The following HTR1F variants were observed in gnomAD, a reference collection of about 807,000 sequenced individuals.
HTR1F encodes the protein 5-hydroxytryptamine receptor 1F.
HTR1F carries 17 observed loss-of-function variants against 24.0 expected under a neutral mutation model. The ratio of observed to expected loss-of-function variants is 0.71; its 90% CI spans 0.48 to 1.06. The LOEUF is 1.06. Among genes scored for constraint, HTR1F ranks in the 50% least tolerant of loss-of-function variants. The pLI is 0.00. For synonymous variants in HTR1F, 186 were observed against 156.8 expected, an observed-to-expected ratio of 1.19 and a Z score of -1.39; for missense variants, 391 against 427.8, an observed-to-expected ratio of 0.91 and a Z score of 0.76.
intron 2 of HTR1F, among the ~76,000 whole-genome samples, chr3:87,961,832 G>A (rs1705068276): frequency 6.6e-6 from 1 of 150,788 alleles, no homozygotes; most frequent in Non-Finnish European, 1.5e-5. Flanking sequence ...AAGGTTTACA[G>A]AAATTCTACC....
chr3:87,959,758 C>G (rs1174140904), intron 2 of HTR1F, among the ~76,000 whole-genome samples: 1 of 130,862 alleles, frequency 7.6e-6, no homozygotes, highest in African/African-American at 3.4e-5. Context: ...CGATGTGAGA[C>G]CACCATGGGT....
Position 87,849,935 on chromosome 3 carries a change from G to GCA in HTR1F, c.-43+27811_-43+27812insCA, listed in dbSNP as rs1308979955. On this transcript the variant is annotated intron_variant, in intron 2 of 2. Coordinates refer to ENST00000319595, the MANE Select transcript of HTR1F (RefSeq NM_001322209.2). Reference sequence around the variant, plus strand: ...ACCATCTCACACCAGTTAGAATGATGATCATTAAAAAGTCAGGAAACAACA... The same window carrying GCA: ...ACCATCTCACACCAGTTAGAATGATGCAATCATTAAAAAGTCAGGAAACAACA... Among the ~76,000 whole-genome samples, 203 of 151,846 alleles carry GCA rather than the reference G, an allele frequency of 1.3e-3. 3 individuals are homozygous for GCA. Among genetic ancestry groups the GCA allele is most frequent in the Non-Finnish European group, 1.6e-3 (106 of 67,950 alleles).
chr3:87,912,320 A>G (rs1703795700), intron 2 of HTR1F, among the ~76,000 whole-genome samples: 1 of 152,076 alleles, frequency 6.6e-6, no homozygotes, highest in South Asian at 2.1e-4. Context: ...CTCATTCACA[A>G]TTGCTAAAAA....
At chr3:87,811,555 G>C (rs1704161076) in intron 1 of HTR1F, among the ~76,000 whole-genome samples, 1 of 152,122 alleles carries the variant, frequency 6.6e-6, no homozygotes, top group Non-Finnish European at 1.5e-5. Flanking sequence ...ATTATGGAAA[G>C]ATGTTTTTAA....
chr3:87,902,052 A>G (rs2107327124), intron 2 of HTR1F, among the ~76,000 whole-genome samples: 1 of 152,240 alleles, frequency 6.6e-6, no homozygotes, highest in South Asian at 2.1e-4. Flanking sequence ...TTTTTCACAA[A>G]TTGATCAAAA....
intron 2 of HTR1F, among the ~76,000 whole-genome samples, chr3:87,848,006 T>C (rs183644934): frequency 1.2e-3 from 186 of 152,096 alleles, no homozygotes; most frequent in Middle Eastern, 3.4e-3. Flanking sequence ...ATATGCTGAT[T>C]TATTTTCCTT....
chr3:87,929,218 G>A (rs960354804), intron 2 of HTR1F, among the ~76,000 whole-genome samples: 2 of 152,144 alleles, frequency 1.3e-5, no homozygotes, highest in African/African-American at 2.4e-5. Context: ...AGAACAGAAA[G>A]CACATGGCAC....
At position 87,853,907 on chromosome 3, in the gene HTR1F, GTTAT is replaced by G. The variant is rs749970117; in HGVS notation, c.-43+31790_-43+31793del. On this transcript the variant is annotated intron_variant, in intron 2 of 2. Transcript: ENST00000319595. ...TGTTCTTTGTCCACTTTTTAATGGG[GTTAT>G]TTATTTTTTTCTTGTAAAATTGTTT... Among the ~76,000 whole-genome samples the G allele has an allele frequency of 4.6e-5, 7 of 151,918 alleles. No individual in the cohort carries two copies. The East Asian group carries it at 5.8e-4, about 13-fold the overall frequency.
At chr3:87,848,058 G>A (rs755442750) in intron 2 of HTR1F, among the ~76,000 whole-genome samples, 7 of 151,842 alleles carry the variant, frequency 4.6e-5, no homozygotes, top group Non-Finnish European at 1.0e-4. Context: ...GGACTGTATA[G>A]TAGGCCTCTT....
At chr3:87,921,143 G>A (rs1018222272) in intron 2 of HTR1F, among the ~76,000 whole-genome samples, 1 of 151,914 alleles carries the variant, frequency 6.6e-6, no homozygotes, top group Non-Finnish European at 1.5e-5. Flanking sequence ...GAGGTTGGGG[G>A]TGAATCATTA....
intron 2 of HTR1F, among the ~76,000 whole-genome samples, chr3:87,904,234 A>G (rs2107333112): frequency 6.6e-6 from 1 of 152,272 alleles, no homozygotes; most frequent in South Asian, 2.1e-4. Flanking sequence ...AGTGTTTGTG[A>G]CAATGACAAG....
intron 2 of HTR1F, among the ~76,000 whole-genome samples, chr3:87,914,288 G>T (rs1202521029): frequency 6.6e-6 from 1 of 152,112 alleles, no homozygotes; most frequent in Non-Finnish European, 1.5e-5. Context: ...AAGGCCACAG[G>T]GAGAAGGAAA....
intron 2 of HTR1F, among the ~76,000 whole-genome samples, chr3:87,830,516 T>C (rs559163489): frequency 3.9e-4 from 59 of 152,212 alleles, no homozygotes; most frequent in Non-Finnish European, 6.8e-4. Context: ...CTCATTTTCC[T>C]ATGCTCTGGT....
intron 2 of HTR1F, among the ~76,000 whole-genome samples, chr3:87,984,998 C>T (rs1705631148): frequency 1.3e-5 from 2 of 152,126 alleles, no homozygotes; most frequent in Non-Finnish European, 2.9e-5. Flanking sequence ...TACACTTGAA[C>T]ACCCTTCTCA....
chr3:87,930,688 C>A (rs906527256), intron 2 of HTR1F, among the ~76,000 whole-genome samples: 1 of 151,994 alleles, frequency 6.6e-6, no homozygotes, highest in African/African-American at 2.4e-5. Context: ...TTCAGCTTGC[C>A]AGTATTTTGT....
chr3:87,959,439 C>G (rs2107475850), intron 2 of HTR1F, among the ~76,000 whole-genome samples: 1 of 151,902 alleles, frequency 6.6e-6, no homozygotes, highest in Admixed American at 6.6e-5. Flanking sequence ...CACTTTGTTA[C>G]TTTAATATTT....
chr3:87,981,456 A>G (rs2107513677), intron 2 of HTR1F, among the ~76,000 whole-genome samples: 1 of 152,260 alleles, frequency 6.6e-6, no homozygotes, highest in African/African-American at 2.4e-5. Flanking sequence ...CAGCCTCCCA[A>G]AGTGCTAGGA....
rs534048311 is a variant in HTR1F, at chr3:87,914,229, G to T, written c.-42-76479G>T. On this transcript the variant is annotated intron_variant, in intron 2 of 2. Transcript: ENST00000319595. ...CTGGGTCCCCTACCAAGCCGTTTTT[G>T]CCTGATCTCAGAGAAGACCTTCAGG... Among the ~76,000 whole-genome samples the T allele has an allele frequency of 2.0e-5, 3 of 152,240 alleles. No individual in the cohort carries two copies. The South Asian group carries it at 6.2e-4, about 32-fold the overall frequency.
At chr3:87,861,381 C>T (rs1705315290) in intron 2 of HTR1F, among the ~76,000 whole-genome samples, 1 of 151,984 alleles carries the variant, frequency 6.6e-6, no homozygotes, top group Non-Finnish European at 1.5e-5. Flanking sequence ...AATGAGGCCC[C>T]ACAAGTAAGG....
Sources: gnomAD v4.1 joint callset for allele counts (sites outside exome capture counted in the v4.1 genomes callset) on GRCh38, gnomAD v4.1.1 for gene constraint, MANE v1.5 for transcripts, NCBI Gene and HGNC (gene_info 2026-07-23, HGNC 2026-07-21) for gene names.